The following WNT3A variants were observed in gnomAD, a reference collection of about 807,000 sequenced individuals.
WNT3A encodes protein Wnt-3a.
A neutral mutation model predicts 37.0 loss-of-function variants in WNT3A; 17 were observed. The observed-to-expected ratio is 0.46, with a 90% CI of 0.31 to 0.69. The LOEUF (loss-of-function observed/expected upper bound fraction) is 0.69, where lower values mean the gene tolerates loss of function less well. Ranked by LOEUF, WNT3A falls within the 30% of genes least tolerant of loss-of-function variation. The probability of loss-of-function intolerance (pLI) is 0.05; values close to 1 mark genes in which losing one functional copy is unlikely to be tolerated. For synonymous variants in WNT3A, 187 were observed against 211.0 expected (o/e 0.89, Z 0.99); for missense variants, 411 against 510.2 (o/e 0.81, Z 1.87).
intron 1 of WNT3A, among the ~76,000 whole-genome samples, chr1:228,009,110 C>T (rs76252683): frequency 0.08 from 12,210 of 152,146 alleles, 579 homozygotes; most frequent in South Asian, 0.12. Context: ...GACCCCTCCC[C>T]CATCCCCACC....
At chr1:228,021,670 G>A (rs148421684) in intron 1 of WNT3A, among the ~76,000 whole-genome samples, 6 of 152,332 alleles carry the variant, frequency 3.9e-5, no homozygotes, top group East Asian at 3.9e-4. Flanking sequence ...TTGTGGACAC[G>A]TGTTTACATC....
Position 228,059,092 on chromosome 1 carries a change from A to G in WNT3A, c.686A>G (p.Asp229Gly). 1 of 1,613,734 alleles carries G rather than the reference A, an allele frequency of 6.2e-7. No individual in the cohort carries two copies. The highest frequency in any genetic ancestry group is 1.1e-5 in the South Asian group (1 of 91,084). Residue 229 changes from aspartate to glycine, a missense_variant, in exon 4 of 4, where the codon GAC becomes GGC. Asp to Gly is a moderately conservative substitution (Grantham distance 94). Coordinates refer to ENST00000284523, the MANE Select transcript of WNT3A (RefSeq NM_033131.4). The part of the protein sequence containing the change: ...WSQPDFRAIG[D>G]FLKDKYDSAS... ...CAACCCGACTTCCGCGCCATCGGTG[A>G]CTTCCTCAAGGACAAGTACGACAGC...
In WNT3A at chr1:228,055,207, T is replaced by A. The variant is rs1275533968; in HGVS notation, c.580-3779T>A. 3.1e-5 allele frequency among the ~76,000 whole-genome samples: 3 copies of A among 98,260 alleles called. 1 individual carries two copies. Among genetic ancestry groups the A allele is most frequent in the East Asian group, 6.8e-4 (2 of 2,950 alleles). The allele number at this position is 98,260 out of a possible 152,430, so 64.5% of individuals were successfully genotyped here. A position where few individuals can be genotyped will look rare whatever the true frequency, so the allele number is the denominator to read the frequency against. On this transcript the variant is annotated intron_variant, in intron 3 of 3. Transcript: ENST00000284523. The stretch of plus-strand genomic sequence containing the variant: ...ATATATATATATATATATATATATA[T>A]ATATATATATATACACACACACAAT...
rs201572822 is a variant in WNT3A at position 228,022,871 on chromosome 1, C to T, written c.276C>T (p.His92=). The T allele has an allele frequency of 6.8e-5, 110 of 1,612,760 alleles. No homozygotes were observed. Among genetic ancestry groups the T allele is most frequent in the African/African-American group, 5.5e-4 (41 of 75,048 alleles). The change falls in exon 2 of 4, where the codon CAC becomes CAT. Residue 92 remains histidine (H), a synonymous_variant. Coordinates refer to ENST00000284523, the MANE Select transcript of WNT3A (RefSeq NM_033131.4). The stretch of plus-strand genomic sequence containing the variant: ...GCCGGTGGAACTGCACCACCGTCCA[C>T]GACAGCCTGGCCATCTTCGGGCCCG... The part of the protein sequence containing the change: ...RGRRWNCTTV[H]DSLAIFGPVL...
rs2030263001 is a variant in WNT3A at position 228,008,269 on chromosome 1, G to T, written c.71+1070G>T. ...TGGAGAGAAGCCTCCCCACAAGCAT[G>T]CACACTCCCCCCCATCCTTCTCCGA... On this transcript the variant is annotated intron_variant, in intron 1 of 3. Coordinates refer to ENST00000284523, the MANE Select transcript of WNT3A (RefSeq NM_033131.4). This position sits in a 1 kb window ranked among gnomAD's most constrained non-coding sequence, Gnocchi z 4.9. 6.6e-6 allele frequency among the ~76,000 whole-genome samples: 1 copy of T among 152,168 alleles called. No homozygotes were observed. The highest frequency in any genetic ancestry group is 1.5e-5 in the Non-Finnish European group (1 of 68,018).
chr1:228,018,473 G>A (rs2030594551), intron 1 of WNT3A, among the ~76,000 whole-genome samples: 1 of 151,810 alleles, frequency 6.6e-6, no homozygotes, highest in Non-Finnish European at 1.5e-5. Context: ...GCTCACTGTG[G>A]CCTTGTCCTC....
chr1:228,037,817 G>A lies in WNT3A; in HGVS notation c.314-12839G>A, dbSNP rs1016638740. On this transcript the variant is annotated intron_variant, in intron 2 of 3. Transcript: ENST00000284523. The surrounding 1 kb of genome is among the most constrained non-coding windows in gnomAD (Gnocchi z 4.1). Reference sequence around the variant, plus strand: ...CGACAAGATTAAGCACAAGGGGAGAGTGCAAATGCGCGGGCGGTTCACACG... The same window carrying A: ...CGACAAGATTAAGCACAAGGGGAGAATGCAAATGCGCGGGCGGTTCACACG... Among the ~76,000 whole-genome samples the A allele has an allele frequency of 4.6e-5, 7 of 152,252 alleles. No individual in the cohort carries two copies. The highest frequency in any genetic ancestry group is 2.0e-4 in the Admixed American group (3 of 15,294).
chr1:228,028,612 C>T (rs921465708), intron 2 of WNT3A, among the ~76,000 whole-genome samples: 1 of 152,128 alleles, frequency 6.6e-6, no homozygotes, highest in African/African-American at 2.4e-5. Context: ...GCTTAAGCAA[C>T]CACACCTGGC....
intron 3 of WNT3A, among the ~76,000 whole-genome samples, chr1:228,052,707 A>G (rs2031581693): frequency 6.6e-6 from 1 of 152,232 alleles, no homozygotes; most frequent in Admixed American, 6.5e-5. Flanking sequence ...GTGAGGAACT[A>G]GATAACTCAG....
intron 1 of WNT3A, among the ~76,000 whole-genome samples, chr1:228,014,311 C>T (rs895396697): frequency 2.6e-5 from 4 of 152,154 alleles, no homozygotes; most frequent in Admixed American, 6.5e-5. Flanking sequence ...AACAAACAAG[C>T]GAGTAACAGG....
At chr1:228,048,465 C>G (rs2031475077) in intron 2 of WNT3A, among the ~76,000 whole-genome samples, 1 of 152,234 alleles carries the variant, frequency 6.6e-6, no homozygotes, top group African/African-American at 2.4e-5. Flanking sequence ...CTGGTTGGCT[C>G]CCTGCTAGTT....
intron 2 of WNT3A, among the ~76,000 whole-genome samples, chr1:228,047,105 A>G (rs1181027703): frequency 6.6e-6 from 1 of 152,192 alleles, no homozygotes; most frequent in African/African-American, 2.4e-5. Flanking sequence ...AGGACTGGAC[A>G]GTCTCCAGCC....
chr1:228,059,436 C>A lies in WNT3A; in HGVS notation c.1030C>A (p.Arg344Ser). 1 of 1,534,128 alleles carries A rather than the reference C, an allele frequency of 6.5e-7. No individual in the cohort carries two copies. The highest frequency in any genetic ancestry group is 8.7e-7 in the Non-Finnish European group (1 of 1,144,638). Residue 344 changes from arginine (R) to serine (S), a missense_variant, in exon 4 of 4, where the codon CGC becomes AGC. By Grantham distance (110) the Arg-to-Ser change is moderately radical. Transcript: ENST00000284523. ...CCYVSCQECT[R>S]VYDVHTCK ...CTACGTCAGCTGCCAGGAGTGCACG[C>A]GCGTCTACGACGTGCACACCTGCAA... is the stretch of plus-strand genomic sequence containing the variant.
chr1:228,017,586 G>T (rs2030571334), intron 1 of WNT3A, among the ~76,000 whole-genome samples: 1 of 152,210 alleles, frequency 6.6e-6, no homozygotes, highest in Non-Finnish European at 1.5e-5. Context: ...CATGGCACAG[G>T]CCTGTGGTTC....
chr1:228,011,160 G>A (rs542386335), intron 1 of WNT3A, among the ~76,000 whole-genome samples: 12 of 152,352 alleles, frequency 7.9e-5, no homozygotes, highest in Admixed American at 3.3e-4. Flanking sequence ...GGGTGCAGGA[G>A]AGAAGGAGCT....
At chr1:228,011,160 GAGA>G (rs372147882) in intron 1 of WNT3A, among the ~76,000 whole-genome samples, 44 of 152,352 alleles carry the variant, frequency 2.9e-4, no homozygotes, top group African/African-American at 1.0e-3. Flanking sequence ...GGGTGCAGGA[GAGA>G]AGGAGCTCGG....
chr1:228,018,808 TC>T (rs1463388456), intron 1 of WNT3A, among the ~76,000 whole-genome samples: 22 of 152,130 alleles, frequency 1.4e-4, no homozygotes, highest in Admixed American at 1.4e-3. Flanking sequence ...CCACAGGAGC[TC>T]CCCGCTGCCT....
intron 2 of WNT3A, among the ~76,000 whole-genome samples, chr1:228,033,167 G>T (rs1195784955): frequency 6.6e-6 from 1 of 152,172 alleles, no homozygotes; most frequent in African/African-American, 2.4e-5. Context: ...ATACATGCAA[G>T]ATTTTAATTT....
chr1:228,050,771 G>A lies in WNT3A; in HGVS notation c.429G>A (p.Gln143=), dbSNP rs755768379. The A allele has an allele frequency of 1.9e-6, 3 of 1,614,154 alleles. No individual in the cohort carries two copies. In the East Asian group the frequency reaches 6.7e-5, roughly 36 times the overall value. ...AAICGCSSRH[Q]GSPGKGWKWG... Reference sequence around the variant, plus strand: ...TCTGTGGCTGCAGCAGCCGCCACCAGGGCTCACCAGGCAAGGGCTGGAAGT... The same window carrying A: ...TCTGTGGCTGCAGCAGCCGCCACCAAGGCTCACCAGGCAAGGGCTGGAAGT... The change falls in exon 3 of 4, where the codon CAG becomes CAA. Residue 143 remains glutamine (Q), a synonymous_variant. Coordinates refer to ENST00000284523, the MANE Select transcript of WNT3A (RefSeq NM_033131.4). This position sits in a 1 kb window ranked among gnomAD's most constrained non-coding sequence, Gnocchi z 5.0.
Sources: allele counts gnomAD v4.1 joint callset (sites outside exome capture counted in the v4.1 genomes callset), GRCh38; gene constraint gnomAD v4.1.1; non-coding constraint Gnocchi (gnomAD v3.1); transcripts MANE v1.5; gene names NCBI Gene and HGNC (gene_info 2026-07-23, HGNC 2026-07-21).